SPAG16: variants seen among roughly 807,000 people sequenced by gnomAD.
SPAG16 encodes the protein sperm-associated antigen 16 protein.
SPAG16 carries 86 observed loss-of-function variants against 80.4 expected under a neutral mutation model. The observed-to-expected ratio is 1.07, with a 90% CI of 0.90 to 1.28. The LOEUF (loss-of-function observed/expected upper bound fraction) is 1.28. SPAG16 is among the 50% of genes most tolerant of loss of function. The probability of loss-of-function intolerance (pLI) is 0.00; values close to 1 mark genes in which losing one functional copy is unlikely to be tolerated. For synonymous variants in SPAG16, 294 were observed against 265.9 expected (o/e 1.11, Z -1.03); for missense variants, 870 against 765.3 (o/e 1.14, Z -1.61).
intron 12 of SPAG16, among the ~76,000 whole-genome samples, chr2:213,962,497 CT>C (rs2044496434): frequency 6.6e-6 from 1 of 152,028 alleles, no homozygotes; most frequent in African/African-American, 2.4e-5. Context: ...AACTGGTATC[CT>C]TTTAAAGAGA....
chr2:213,669,315 T>C (rs1338226385), intron 10 of SPAG16, among the ~76,000 whole-genome samples: 1 of 152,222 alleles, frequency 6.6e-6, no homozygotes. Context: ...AGCCTTGGGA[T>C]AGAAGAGTAA....
chr2:214,050,160 C>G (rs1419550525), intron 13 of SPAG16, among the ~76,000 whole-genome samples: 1 of 151,938 alleles, frequency 6.6e-6, no homozygotes, highest in Non-Finnish European at 1.5e-5. Flanking sequence ...GAAAAAACTA[C>G]CTCTCTTAGG....
intron 10 of SPAG16, among the ~76,000 whole-genome samples, chr2:213,556,329 A>C (rs1451658890): frequency 6.7e-6 from 1 of 148,158 alleles, no homozygotes; most frequent in Non-Finnish European, 1.5e-5. Flanking sequence ...AAAAAAAAAC[A>C]AGATCTAACT....
intron 14 of SPAG16, among the ~76,000 whole-genome samples, chr2:214,123,659 A>G (rs921922101): frequency 6.6e-6 from 1 of 152,074 alleles, no homozygotes; most frequent in Non-Finnish European, 1.5e-5. Context: ...AGTGCTACCT[A>G]TCAAGAATCA....
chr2:213,780,525 T>C (rs893194082), intron 10 of SPAG16, among the ~76,000 whole-genome samples: 2 of 151,924 alleles, frequency 1.3e-5, no homozygotes, highest in South Asian at 4.1e-4. Flanking sequence ...AACCTTCCTA[T>C]GTATGCTAGT....
At chr2:214,066,650 A>G (rs2050543395) in intron 13 of SPAG16, among the ~76,000 whole-genome samples, 1 of 152,200 alleles carries the variant, frequency 6.6e-6, no homozygotes, top group Non-Finnish European at 1.5e-5. Context: ...TAATAAAAAT[A>G]TGTTGTTTAC....
rs529991987 is a variant in SPAG16 at position 213,885,675 on chromosome 2, A to G, written c.1214+23047A>G. The stretch of plus-strand genomic sequence containing the variant: ...ATGGTAAAAAGGAAGTTAATCTATA[A>G]TGGAAGTCAACAGTAGATAAGGAAG... On this transcript the variant is annotated intron_variant, in intron 11 of 15. Coordinates refer to ENST00000331683, the MANE Select transcript of SPAG16 (RefSeq NM_024532.5). Among the ~76,000 whole-genome samples, 4 of 152,328 alleles carry G rather than the reference A, an allele frequency of 2.6e-5. No homozygotes were observed. In the East Asian group the frequency reaches 7.7e-4, roughly 29 times the overall value.
At chr2:214,237,442 A>G (rs1442622155) in intron 15 of SPAG16, among the ~76,000 whole-genome samples, 1 of 152,120 alleles carries the variant, frequency 6.6e-6, no homozygotes, top group Non-Finnish European at 1.5e-5. Context: ...ACAGGATGAT[A>G]TTTCTGAGAT....
intron 5 of SPAG16, among the ~76,000 whole-genome samples, chr2:213,336,821 G>A (rs2064388007): frequency 6.6e-6 from 1 of 152,196 alleles, no homozygotes; most frequent in Non-Finnish European, 1.5e-5. Flanking sequence ...GCTCTGGAGA[G>A]TCAGGGGAGC....
chr2:213,369,400 A>G (rs1275982795), intron 8 of SPAG16, among the ~76,000 whole-genome samples: 2 of 152,220 alleles, frequency 1.3e-5, no homozygotes, highest in African/African-American at 4.8e-5. Flanking sequence ...TAATGTTTAT[A>G]AGGTATGTAA....
At chr2:213,916,374 C>A (rs547297862) in intron 11 of SPAG16, among the ~76,000 whole-genome samples, 60 of 152,300 alleles carry the variant, frequency 3.9e-4, no homozygotes, top group African/African-American at 1.4e-3. Context: ...ATAGGGAATT[C>A]TTTCCCCATT....
At chr2:214,233,933 TTG>T (rs1443512433) in intron 15 of SPAG16, among the ~76,000 whole-genome samples, 1 of 152,100 alleles carries the variant, frequency 6.6e-6, no homozygotes, top group Non-Finnish European at 1.5e-5. Flanking sequence ...ATGTACAGGT[TTG>T]TTACATAGGT....
At chr2:213,423,934 T>G (rs1331839486) in intron 9 of SPAG16, among the ~76,000 whole-genome samples, 2 of 152,202 alleles carry the variant, frequency 1.3e-5, no homozygotes, top group Admixed American at 6.5e-5. Context: ...AGATATCTTA[T>G]TTTTACAGAG....
intron 12 of SPAG16, among the ~76,000 whole-genome samples, chr2:213,963,627 T>C (rs2044567425): frequency 6.6e-6 from 1 of 152,204 alleles, no homozygotes; most frequent in African/African-American, 2.4e-5. Context: ...AAGTGTGATA[T>C]TGAAATTTCA....
chr2:214,353,456 T>C (rs904143248), intron 15 of SPAG16, among the ~76,000 whole-genome samples: 1 of 152,212 alleles, frequency 6.6e-6, no homozygotes, highest in African/African-American at 2.4e-5. Flanking sequence ...AATTATAGAA[T>C]GTTCTGGTAC....
intron 10 of SPAG16, among the ~76,000 whole-genome samples, chr2:213,702,968 G>A (rs1032293401): frequency 2.6e-5 from 4 of 152,168 alleles, no homozygotes; most frequent in African/African-American, 9.7e-5. Context: ...TTCTATGTGG[G>A]AGGATTATAC....
chr2:214,405,916 G>C (rs1338411858), intron 15 of SPAG16, among the ~76,000 whole-genome samples: 3 of 152,174 alleles, frequency 2.0e-5, no homozygotes, highest in Non-Finnish European at 2.9e-5. Flanking sequence ...ATGTAAAAAA[G>C]AAAGCTCTAG....
chr2:213,395,268 G>T (rs2067972853), intron 9 of SPAG16, among the ~76,000 whole-genome samples: 1 of 151,378 alleles, frequency 6.6e-6, no homozygotes, highest in African/African-American at 2.4e-5. Flanking sequence ...TCTAGCTTTG[G>T]GTTTATTATG....
At chr2:213,991,460 CAT>C (rs995543995) in intron 12 of SPAG16, among the ~76,000 whole-genome samples, 2 of 152,128 alleles carry the variant, frequency 1.3e-5, no homozygotes, top group South Asian at 2.1e-4. Context: ...CTGCAATAAA[CAT>C]GTGTACATGT....
Sources: gnomAD v4.1 joint callset for allele counts (sites outside exome capture counted in the v4.1 genomes callset) on GRCh38, gnomAD v4.1.1 for gene constraint, MANE v1.5 for transcripts, NCBI Gene and HGNC (gene_info 2026-07-23, HGNC 2026-07-21) for gene names.